The following RIT2 variants were observed in gnomAD, a reference collection of about 807,000 sequenced individuals.
The protein encoded by RIT2 is GTP-binding protein Rit2.
Under a neutral mutation model 23.7 loss-of-function variants are expected in RIT2, and 24 were observed. That is an observed-to-expected ratio of 1.01 (90% CI 0.73 to 1.43). The LOEUF (loss-of-function observed/expected upper bound fraction) is 1.43, where lower values mean the gene tolerates loss of function less well. RIT2 is among the 40% of genes most tolerant of loss of function. RIT2 has a pLI of 0.00. For synonymous variants in RIT2, 107 were observed against 91.1 expected, an observed-to-expected ratio of 1.17 and a Z score of -0.99; for missense variants, 236 against 266.9, an observed-to-expected ratio of 0.88 and a Z score of 0.81.
At chr18:42,990,431 G>A (rs1347383499) in intron 2 of RIT2, among the ~76,000 whole-genome samples, 2 of 152,178 alleles carry the variant, frequency 1.3e-5, no homozygotes, top group African/African-American at 2.4e-5. Flanking sequence ...CCATGGCCCA[G>A]TTGATCTGAT....
chr18:42,917,594 C>T (rs560338787), intron 4 of RIT2, among the ~76,000 whole-genome samples: 10 of 152,218 alleles, frequency 6.6e-5, no homozygotes, highest in African/African-American at 2.2e-4. Context: ...CTCCAACCAA[C>T]GACAAGACTG....
At chr18:42,854,527 A>G (rs1907134696) in intron 4 of RIT2, among the ~76,000 whole-genome samples, 1 of 152,118 alleles carries the variant, frequency 6.6e-6, no homozygotes, top group Admixed American at 6.6e-5. Context: ...TCATTAATTG[A>G]GCCCCTACCT....
intron 3 of RIT2, among the ~76,000 whole-genome samples, chr18:42,932,390 C>T (rs1002093852): frequency 1.3e-5 from 2 of 152,172 alleles, no homozygotes; most frequent in African/African-American, 4.8e-5. Context: ...ATTTATTCTG[C>T]AGCTCTTCTG....
At chr18:43,037,609 A>G (rs1343391812) in intron 1 of RIT2, among the ~76,000 whole-genome samples, 1 of 152,148 alleles carries the variant, frequency 6.6e-6, no homozygotes, top group Non-Finnish European at 1.5e-5. Flanking sequence ...AAAATTGAAT[A>G]TAATAAATCT....
chr18:43,105,286 A>G (rs1357182245), intron 1 of RIT2, among the ~76,000 whole-genome samples: 1 of 152,168 alleles, frequency 6.6e-6, no homozygotes, highest in East Asian at 1.9e-4. Context: ...AAGGATCTAG[A>G]GAGCAAGAAC....
At chr18:42,873,012 C>T (rs1644361978) in intron 4 of RIT2, among the ~76,000 whole-genome samples, 1 of 152,106 alleles carries the variant, frequency 6.6e-6, no homozygotes, top group Non-Finnish European at 1.5e-5. Flanking sequence ...TCATGATCCA[C>T]ACTCTGAAAG....
chr18:43,098,247 C>T (rs569875703), intron 1 of RIT2, among the ~76,000 whole-genome samples: 22 of 151,960 alleles, frequency 1.4e-4, no homozygotes, highest in Middle Eastern at 3.4e-3. Context: ...GGGATCAGAA[C>T]GATTCTAGGT....
At chr18:42,932,737 C>T (rs1909357271) in intron 3 of RIT2, among the ~76,000 whole-genome samples, 1 of 152,086 alleles carries the variant, frequency 6.6e-6, no homozygotes, top group Non-Finnish European at 1.5e-5. Context: ...AATTAAAATA[C>T]TGCCAGCTCA....
intron 1 of RIT2, among the ~76,000 whole-genome samples, chr18:43,105,509 G>GAAGA (rs1221620676): frequency 2.9e-4 from 43 of 150,666 alleles, no homozygotes; most frequent in East Asian, 5.9e-4. Flanking sequence ...AGGGAGGGAG[G>GAAGA]GAGGGAGGGA....
chr18:43,050,762 TA>T (rs1245917629), intron 1 of RIT2, among the ~76,000 whole-genome samples: 1 of 151,878 alleles, frequency 6.6e-6, no homozygotes, highest in Non-Finnish European at 1.5e-5. Context: ...GAAGCTTCCA[TA>T]AAAAACCCAA....
At chr18:43,018,358 T>C (rs1911520728) in intron 2 of RIT2, among the ~76,000 whole-genome samples, 1 of 12,428 alleles carries the variant, frequency 8.0e-5, no homozygotes. Flanking sequence ...TATCTGTTTC[T>C]GCTTTTTTTT....
chr18:43,102,445 CTTT>C (rs200839354), intron 1 of RIT2, among the ~76,000 whole-genome samples: 2 of 109,930 alleles, frequency 1.8e-5, no homozygotes, highest in South Asian at 3.1e-4. Context: ...TCAGGAAACC[CTTT>C]TTTTTTTTTT....
At chr18:42,758,557 A>G (rs1451957286) in intron 4 of RIT2, among the ~76,000 whole-genome samples, 1 of 150,664 alleles carries the variant, frequency 6.6e-6, no homozygotes, top group African/African-American at 2.4e-5. Context: ...CTCATCACCC[A>G]GGCTGGAGTA....
At chr18:42,953,334 GA>G (rs1235068291) in intron 3 of RIT2, among the ~76,000 whole-genome samples, 2 of 151,954 alleles carry the variant, frequency 1.3e-5, no homozygotes, top group African/African-American at 2.4e-5. Context: ...TTATTTTAAA[GA>G]AATACCAAGA....
chr18:42,937,101 G>A (rs868211230), intron 3 of RIT2, among the ~76,000 whole-genome samples: 2 of 151,736 alleles, frequency 1.3e-5, no homozygotes, highest in Non-Finnish European at 2.9e-5. Context: ...TGATTTCTCT[G>A]ACCATCTATT....
chr18:43,004,203 T>C (rs1309128598), intron 2 of RIT2, among the ~76,000 whole-genome samples: 1 of 151,812 alleles, frequency 6.6e-6, no homozygotes, highest in Non-Finnish European at 1.5e-5. Flanking sequence ...GTGGGGACCC[T>C]AATGAATAAG....
intron 2 of RIT2, among the ~76,000 whole-genome samples, chr18:43,018,423 C>T (rs980128763): frequency 1.3e-5 from 2 of 151,624 alleles, no homozygotes; most frequent in African/African-American, 4.8e-5. Flanking sequence ...AAGAATTTAA[C>T]TATACATAGA....
intron 2 of RIT2, among the ~76,000 whole-genome samples, chr18:42,977,649 C>T (rs1598736298): frequency 6.6e-6 from 1 of 151,662 alleles, no homozygotes; most frequent in Admixed American, 6.6e-5. Context: ...AGTCTTTACT[C>T]TCAAGGGGTT....
At chr18:43,017,270 A>C (rs1911496340) in intron 2 of RIT2, among the ~76,000 whole-genome samples, 1 of 151,990 alleles carries the variant, frequency 6.6e-6, no homozygotes, top group Admixed American at 6.6e-5. Flanking sequence ...ATTTGCTTTC[A>C]TCAGCAATCA....
Sources: gnomAD v4.1 joint callset for allele counts (sites outside exome capture counted in the v4.1 genomes callset) on GRCh38, gnomAD v4.1.1 for gene constraint, MANE v1.5 for transcripts, NCBI Gene and HGNC (gene_info 2026-07-23, HGNC 2026-07-21) for gene names.